LINGO1: variants seen among roughly 807,000 people sequenced by gnomAD.
The protein encoded by LINGO1 is leucine rich repeat and Ig domain containing 1, also known as leucine-rich repeat and immunoglobulin-like domain-containing nogo receptor-interacting protein 1.
Under a neutral mutation model 37.3 loss-of-function variants are expected in LINGO1, and 11 were observed. The ratio of observed to expected loss-of-function variants is 0.29; its 90% CI spans 0.19 to 0.49. The LOEUF (loss-of-function observed/expected upper bound fraction) is 0.49, where lower values mean the gene tolerates loss of function less well. LINGO1 is among the 20% of genes least tolerant of loss of function. LINGO1 has a pLI of 0.99. For synonymous variants in LINGO1, 387 were observed against 403.0 expected (o/e 0.96, Z 0.48); for missense variants, 585 against 878.2 (o/e 0.67, Z 4.22).
At chr15:77,818,186 G>A (rs2077063806) in intron 1 of LINGO1, among the ~76,000 whole-genome samples, 1 of 152,182 alleles carries the variant, frequency 6.6e-6, no homozygotes, top group African/African-American at 2.4e-5. Flanking sequence ...GGAAAAACCT[G>A]CCCTGGAAAC....
chr15:77,772,466 T>TC (rs1364337259), intron 1 of LINGO1, among the ~76,000 whole-genome samples: 2 of 152,110 alleles, frequency 1.3e-5, no homozygotes, highest in Admixed American at 1.3e-4. Flanking sequence ...ACGCTGCGGC[T>TC]CAGAAGGTGG....
intron 3 of LINGO1, among the ~76,000 whole-genome samples, chr15:77,675,683 T>C (rs1021748928): frequency 1.7e-4 from 26 of 152,126 alleles, no homozygotes; most frequent in Admixed American, 1.4e-3. Context: ...TACCGAGAGA[T>C]AGATGGATAG....
intron 1 of LINGO1, among the ~76,000 whole-genome samples, chr15:77,691,065 A>G (rs776900530): frequency 1.3e-5 from 2 of 152,250 alleles, no homozygotes; most frequent in Non-Finnish European, 1.5e-5. Flanking sequence ...TTCTACCACA[A>G]TGACAATGTT....
At chr15:77,716,857 A>G (rs1183902741) in intron 2 of LINGO1, among the ~76,000 whole-genome samples, 2 of 150,544 alleles carry the variant, frequency 1.3e-5, no homozygotes, top group African/African-American at 4.8e-5. Flanking sequence ...TCACACAGCA[A>G]GTCAGGGCCC....
At chr15:77,727,460 G>T (rs1005903964) in intron 2 of LINGO1, among the ~76,000 whole-genome samples, 1 of 152,172 alleles carries the variant, frequency 6.6e-6, no homozygotes, top group Non-Finnish European at 1.5e-5. Flanking sequence ...GAACACGGAG[G>T]ACATTATGCT....
intron 1 of LINGO1, among the ~76,000 whole-genome samples, chr15:77,752,791 T>C (rs902489011): frequency 6.6e-6 from 1 of 152,216 alleles, no homozygotes; most frequent in Non-Finnish European, 1.5e-5. Context: ...CAGCCCCTCA[T>C]AGGGCACTGC....
chr15:77,786,507 C>A (rs1463308654), intron 1 of LINGO1, among the ~76,000 whole-genome samples: 3 of 152,192 alleles, frequency 2.0e-5, no homozygotes, highest in Admixed American at 6.5e-5. Flanking sequence ...TTTGACCTTT[C>A]AGAGGGGCCG....
At position 77,719,705 on chromosome 15, in the gene LINGO1, CAT is replaced by C. The variant is rs1455828319; in HGVS notation, c.-195+15285_-195+15286del. 1.3e-5 allele frequency among the ~76,000 whole-genome samples: 2 copies of C among 150,054 alleles called. 1 individual carries two copies. The highest frequency in any genetic ancestry group is 1.3e-4 in the Admixed American group (2 of 14,950). On this transcript the variant is annotated intron_variant, in intron 2 of 3. Coordinates refer to the LINGO1 transcript ENST00000561686. The stretch of plus-strand genomic sequence containing the variant: ...ACATACACACACACATGCTCTCATA[CAT>C]ATGTGTACTCACATTCACGCACATA...
At chr15:77,804,167 A>G (rs773847385) in intron 1 of LINGO1, among the ~76,000 whole-genome samples, 12 of 152,108 alleles carry the variant, frequency 7.9e-5, no homozygotes, top group Non-Finnish European at 1.2e-4. Flanking sequence ...GATGATTCAC[A>G]TGCAGGAGGG....
At chr15:77,790,338 A>G (rs1029204490), upstream of LINGO1, among the ~76,000 whole-genome samples, 2 of 152,214 alleles carry the variant, frequency 1.3e-5, no homozygotes, top group African/African-American at 4.8e-5. Flanking sequence ...GGAAGAATGA[A>G]CAGGAATGGC....
At chr15:77,667,137 A>C (rs2075147853) in intron 3 of LINGO1, 1 of 152,432 alleles carries the variant, frequency 6.6e-6, no homozygotes. Context: ...TTCTGATCCT[A>C]ACAGTGCATG....
intron 2 of LINGO1, among the ~76,000 whole-genome samples, chr15:77,707,113 G>A (rs1170953960): frequency 1.3e-5 from 2 of 152,202 alleles, no homozygotes; most frequent in Non-Finnish European, 2.9e-5. Context: ...CTCAGCAGGT[G>A]GCAGGCTGCA....
chr15:77,734,398 G>A (rs1030433251), intron 2 of LINGO1, among the ~76,000 whole-genome samples: 3 of 152,118 alleles, frequency 2.0e-5, no homozygotes, highest in Admixed American at 2.0e-4. Flanking sequence ...CCAGGACAGA[G>A]TGTCCTTGGA....
intron 2 of LINGO1, among the ~76,000 whole-genome samples, chr15:77,724,207 C>T (rs561781314): frequency 3.1e-4 from 47 of 152,348 alleles, no homozygotes; most frequent in Admixed American, 7.8e-4. Flanking sequence ...CATCCCAGCA[C>T]ATACCTGTGC....
intron 1 of LINGO1, among the ~76,000 whole-genome samples, chr15:77,739,244 T>C (rs1485506250): frequency 6.6e-6 from 1 of 152,240 alleles, no homozygotes. Flanking sequence ...TTTTTTCCTT[T>C]CGCCTTCCAT....
intron 1 of LINGO1, among the ~76,000 whole-genome samples, chr15:77,797,823 GCCCTCAGGGT>G (rs1392001728): frequency 6.6e-6 from 1 of 152,240 alleles, no homozygotes; most frequent in Non-Finnish European, 1.5e-5. Flanking sequence ...AGATGGAAAA[GCCCTCAGGGT>G]CCCTCCCAGA....
intron 1 of LINGO1, among the ~76,000 whole-genome samples, chr15:77,774,189 T>C (rs2076613857): frequency 1.3e-5 from 2 of 151,676 alleles, no homozygotes; most frequent in African/African-American, 2.4e-5. Context: ...GGGTGGTGAG[T>C]GTGCACGGAG....
intron 1 of LINGO1, among the ~76,000 whole-genome samples, chr15:77,783,566 G>T (rs1360145161): frequency 6.6e-6 from 1 of 152,184 alleles, no homozygotes; most frequent in African/African-American, 2.4e-5. Flanking sequence ...AGGAAGCAGA[G>T]AGAACCAGGC....
intron 1 of LINGO1, among the ~76,000 whole-genome samples, chr15:77,805,948 C>T (rs1014419612): frequency 2.0e-5 from 3 of 152,186 alleles, no homozygotes; most frequent in African/African-American, 7.2e-5. Flanking sequence ...GGCAGGGATA[C>T]CTGACCCCAC....
Sources: allele counts gnomAD v4.1 joint callset (sites outside exome capture counted in the v4.1 genomes callset), GRCh38; gene constraint gnomAD v4.1.1; transcripts MANE v1.5; gene names NCBI Gene and HGNC (gene_info 2026-07-23, HGNC 2026-07-21).